The following TBC1D1 variants were observed in gnomAD, a reference collection of about 807,000 sequenced individuals.
The protein encoded by TBC1D1 is TBC1 (tre-2/USP6, BUB2, cdc16) domain family, member 1.
In TBC1D1, 89 loss-of-function variants were observed where a neutral mutation model predicts 125.6. The ratio of observed to expected loss-of-function variants is 0.71; its 90% CI spans 0.60 to 0.85. The LOEUF is 0.85. TBC1D1 is among the 40% of genes least tolerant of loss of function. TBC1D1 has a pLI of 0.00. For synonymous variants in TBC1D1, 565 were observed against 564.1 expected (o/e 1.00, Z -0.02); for missense variants, 1,377 against 1,469.2 (o/e 0.94, Z 1.03).
intron 12 of TBC1D1, among the ~76,000 whole-genome samples, chr4:38,088,131 T>C (rs1263134318): frequency 6.6e-6 from 1 of 151,538 alleles, no homozygotes; most frequent in Non-Finnish European, 1.5e-5. Flanking sequence ...TCCACAGAAT[T>C]CCAAGAGCCA....
At chr4:38,126,583 C>A (rs1417419688) in intron 18 of TBC1D1, among the ~76,000 whole-genome samples, 1 of 152,216 alleles carries the variant, frequency 6.6e-6, no homozygotes, top group Admixed American at 6.5e-5. Flanking sequence ...TATGAAAGAA[C>A]AGTTCTTGTC....
chr4:38,099,665 G>A (rs1056218145), intron 14 of TBC1D1, among the ~76,000 whole-genome samples: 3 of 152,182 alleles, frequency 2.0e-5, no homozygotes, highest in Non-Finnish European at 2.9e-5. Context: ...TATTTACATG[G>A]GGGATGGAGG....
At chr4:37,939,277 T>G (rs568294647) in intron 2 of TBC1D1, among the ~76,000 whole-genome samples, 1 of 152,242 alleles carries the variant, frequency 6.6e-6, no homozygotes, top group Non-Finnish European at 1.5e-5. Context: ...TGATGGCCAG[T>G]GATGATGAGC....
rs1247057385 is a variant in TBC1D1 at position 37,977,708 on chromosome 4, TC to T, written c.418-36798del. 2.0e-5 allele frequency among the ~76,000 whole-genome samples: 3 copies of T among 151,990 alleles called. No individual in the cohort carries two copies. Among genetic ancestry groups the T allele is most frequent in the Non-Finnish European group, 4.4e-5 (3 of 67,956 alleles). ...GTTTCTCATTCATTAGTCTCCCAGA[TC>T]CCTGTGGGGAGGACGGGCGAGGTAG... On this transcript the variant is annotated intron_variant, in intron 2 of 19. Transcript: ENST00000261439. This position sits in a 1 kb window ranked among gnomAD's most constrained non-coding sequence, Gnocchi z 4.3.
chr4:37,931,718 C>T (rs2152289800), intron 2 of TBC1D1, among the ~76,000 whole-genome samples: 1 of 152,262 alleles, frequency 6.6e-6, no homozygotes, highest in East Asian at 1.9e-4. Context: ...CCTCGTGATC[C>T]ACCCGCCTTG....
At chr4:37,901,781 A>C (rs1260583105) in intron 1 of TBC1D1, among the ~76,000 whole-genome samples, 1 of 70,538 alleles carries the variant, frequency 1.4e-5, no homozygotes, top group East Asian at 3.9e-4. Context: ...GTAGTTTCCC[A>C]GTGGGCTCTT....
rs1422569161 is a variant in TBC1D1 at position 37,970,954 on chromosome 4, G to C, written c.418-43555G>C. Among the ~76,000 whole-genome samples the C allele has an allele frequency of 4.6e-5, 7 of 152,046 alleles. 1 individual carries two copies. Among genetic ancestry groups the C allele is most frequent in the Non-Finnish European group, 1.0e-4 (7 of 68,022 alleles). On this transcript the variant is annotated intron_variant, in intron 2 of 19. Coordinates refer to ENST00000261439, the MANE Select transcript of TBC1D1 (RefSeq NM_015173.4). ...CCTGCCTCACTGGCCCCCCCCACTA[G>C]AGGGCAGCCTGCCTGGCATCACCTC...
chr4:38,059,803 T>G (rs1482774825), intron 12 of TBC1D1, among the ~76,000 whole-genome samples: 1 of 152,232 alleles, frequency 6.6e-6, no homozygotes, highest in African/African-American at 2.4e-5. Flanking sequence ...CATGGTGGTT[T>G]GCTGTACCTA....
chr4:38,118,011 C>A, intron 16 of TBC1D1, 22 bp from the exon 19 acceptor site: 1 of 1,612,892 alleles, frequency 6.2e-7, no homozygotes, highest in Admixed American at 1.7e-5. Context: ...AATTCTCAGC[C>A]CTTGTGGCTG....
intron 2 of TBC1D1, among the ~76,000 whole-genome samples, chr4:37,940,787 G>A (rs559561042): frequency 5.9e-5 from 9 of 152,238 alleles, no homozygotes; most frequent in African/African-American, 2.2e-4. Flanking sequence ...GTAATCATGT[G>A]GTTTTTGTCT....
At chr4:37,982,386 C>T (rs1015800395) in intron 2 of TBC1D1, among the ~76,000 whole-genome samples, 24 of 152,164 alleles carry the variant, frequency 1.6e-4, no homozygotes, top group African/African-American at 2.7e-4. Flanking sequence ...TAGACTCATA[C>T]TACATTTTAT....
intron 2 of TBC1D1, among the ~76,000 whole-genome samples, chr4:37,966,065 G>A (rs186297464): frequency 2.8e-4 from 42 of 152,108 alleles, no homozygotes; most frequent in African/African-American, 9.2e-4. Context: ...TTAATTTAGC[G>A]TATATTTCAC....
At chr4:38,085,637 G>T (rs1022512377) in intron 12 of TBC1D1, among the ~76,000 whole-genome samples, 3 of 152,152 alleles carry the variant, frequency 2.0e-5, no homozygotes, top group African/African-American at 7.2e-5. Flanking sequence ...TTCCTACACT[G>T]GCCTCTGTGC....
intron 12 of TBC1D1, among the ~76,000 whole-genome samples, chr4:38,084,037 A>G (rs57176701): frequency 0.037 from 5,483 of 148,326 alleles, 172 homozygotes; most frequent in African/African-American, 0.08. Flanking sequence ...TCCCGGGTTC[A>G]TGCCATTCTC....
At chr4:37,891,886 A>AC (rs572324300) in intron 1 of TBC1D1, among the ~76,000 whole-genome samples, 4 of 147,698 alleles carry the variant, frequency 2.7e-5, no homozygotes, top group South Asian at 2.2e-4. Context: ...TGATTATGAG[A>AC]CCCCCCTCAA....
At chr4:38,001,507 G>A (rs1739079795) in intron 2 of TBC1D1, among the ~76,000 whole-genome samples, 1 of 152,134 alleles carries the variant, frequency 6.6e-6, no homozygotes, top group African/African-American at 2.4e-5. Context: ...TGGGGAGTAG[G>A]GTGTAAATCC....
chr4:37,968,543 A>AT, intron 2 of TBC1D1, among the ~76,000 whole-genome samples: 1 of 152,350 alleles, frequency 6.6e-6, no homozygotes, highest in East Asian at 1.9e-4. Flanking sequence ...TCAAGGTAGA[A>AT]TGTTCTTGAG....
At chr4:37,933,629 T>C (rs1232930809) in intron 2 of TBC1D1, among the ~76,000 whole-genome samples, 1 of 152,252 alleles carries the variant, frequency 6.6e-6, no homozygotes, top group Non-Finnish European at 1.5e-5. Flanking sequence ...GTGGTTAACA[T>C]GTTGTCTGCC....
chr4:38,101,113 G>A (rs565183282), intron 14 of TBC1D1, among the ~76,000 whole-genome samples: 125 of 152,310 alleles, frequency 8.2e-4, no homozygotes, highest in Middle Eastern at 3.4e-3. Flanking sequence ...ATGGAATGGC[G>A]ATGGTGCATA....
Sources: gnomAD v4.1 joint callset for allele counts (sites outside exome capture counted in the v4.1 genomes callset) on GRCh38, gnomAD v4.1.1 for gene constraint, Gnocchi (gnomAD v3.1) non-coding constraint, MANE v1.5 for transcripts, NCBI Gene and HGNC (gene_info 2026-07-23, HGNC 2026-07-21) for gene names.